KIF1A: variants seen among roughly 807,000 people sequenced by gnomAD.
KIF1A encodes the protein kinesin-like protein KIF1A.
Under a neutral mutation model 227.3 loss-of-function variants are expected in KIF1A, and 46 were observed. That is an observed-to-expected ratio of 0.20 (90% CI 0.16 to 0.26). The LOEUF (loss-of-function observed/expected upper bound fraction) is 0.26, where lower values mean the gene tolerates loss of function less well. KIF1A is among the 10% of genes least tolerant of loss of function. KIF1A has a pLI of 1.00. For missense variants in KIF1A, 1,683 were observed against 2,485.9 expected, an observed-to-expected ratio of 0.68 and a Z score of 6.87; for synonymous variants, 1,022 against 1,012.8, an observed-to-expected ratio of 1.01 and a Z score of -0.17.
At chr2:240,798,861 T>C (rs1236042472) in intron 1 of KIF1A, among the ~76,000 whole-genome samples, 3 of 152,226 alleles carry the variant, frequency 2.0e-5, no homozygotes, top group African/African-American at 7.2e-5. Flanking sequence ...CGAGAGGTTT[T>C]CGCCAATTGC....
chr2:240,748,339 G>T (rs887254142), intron 28 of KIF1A, among the ~76,000 whole-genome samples: 1 of 152,172 alleles, frequency 6.6e-6, no homozygotes, highest in Non-Finnish European at 1.5e-5. Context: ...CGGATCCTGG[G>T]AAATGGGAAA....
At chr2:240,731,483 G>A (rs944389877) in intron 38 of KIF1A, among the ~76,000 whole-genome samples, 1 of 152,202 alleles carries the variant, frequency 6.6e-6, no homozygotes, top group Non-Finnish European at 1.5e-5. Flanking sequence ...CTGAAGTTGT[G>A]CCAGCTGGGA....
chr2:240,800,553 CCAGA>C (rs928330500), intron 1 of KIF1A, among the ~76,000 whole-genome samples: 2 of 152,166 alleles, frequency 1.3e-5, no homozygotes, highest in African/African-American at 4.8e-5. Flanking sequence ...TGGAGTCTTC[CCAGA>C]CAGAGAGCCG....
At chr2:240,744,173 C>G (rs1304849746) in intron 32 of KIF1A, 113 bp from the exon 33 acceptor site, 1 of 755,466 alleles carries the variant, frequency 1.3e-6, no homozygotes, top group Admixed American at 2.0e-5. Flanking sequence ...GGACCCCTAG[C>G]TGGGCCCACG....
At position 240,736,300 on chromosome 2, in the gene KIF1A, C is replaced by A. The variant is rs535238352; in HGVS notation, c.4007+763G>T. ...TTGTGCATCATGAGCCAGGTCGAGC[C>A]CCCAGGGAGCAGCCAGGACTGGACA... On this transcript the variant is annotated intron_variant, in intron 38 of 48. Transcript: ENST00000498729. This position sits in a 1 kb window ranked among gnomAD's most constrained non-coding sequence, Gnocchi z 4.7. Among the ~76,000 whole-genome samples, 4 of 152,126 alleles carry A rather than the reference C, an allele frequency of 2.6e-5. No homozygotes were observed. Among genetic ancestry groups the A allele is most frequent in the Non-Finnish European group, 5.9e-5 (4 of 68,004 alleles).
In KIF1A at chr2:240,758,242, G is replaced by T; in HGVS notation, c.2582+118C>A. ...AGGGAGGACAGGGCTGGGAATATGGGGCTGGAAAAGCACTTGTCAGGGCCG... is the reference window on the plus strand; with the variant it reads ...AGGGAGGACAGGGCTGGGAATATGGTGCTGGAAAAGCACTTGTCAGGGCCG... On this transcript the variant is annotated intron_variant, in intron 26 of 48. Transcript: ENST00000498729. The surrounding 1 kb of genome is among the most constrained non-coding windows in gnomAD (Gnocchi z 5.2). 2 of 1,167,378 alleles carry T rather than the reference G, an allele frequency of 1.7e-6. No individual in the cohort carries two copies. The highest frequency in any genetic ancestry group is 2.3e-6 in the Non-Finnish European group (2 of 851,402). The allele number at this position is 1,167,378 out of a possible 1,614,324, so 72.3% of individuals were successfully genotyped here. A position where few individuals can be genotyped will look rare whatever the true frequency, so the allele number is the denominator to read the frequency against.
rs1454271542 is a variant in KIF1A at position 240,766,749 on chromosome 2, T to TCTCTCTCACA, written c.1684+165_1684+166insTGTGAGAGAG. 3.9e-3 allele frequency among the ~76,000 whole-genome samples: 427 copies of TCTCTCTCACA among 109,006 alleles called. 5 individuals are homozygous for TCTCTCTCACA. The highest frequency in any genetic ancestry group is 0.015 in the African/African-American group (355 of 24,158). The allele number at this position is 109,006 out of a possible 152,430, so 71.5% of individuals were successfully genotyped here. On this transcript the variant is annotated intron_variant, in intron 19 of 48. Coordinates refer to ENST00000498729, the MANE Select transcript of KIF1A (RefSeq NM_001244008.2). The surrounding 1 kb of genome is among the most constrained non-coding windows in gnomAD (Gnocchi z 5.0). ...CTCTCTCTCTCTCTCTCTCTCTCTC[T>TCTCTCTCACA]CACACACACACACACACACACACAC...
At chr2:240,753,963 C>G (rs1336012166) in intron 27 of KIF1A, among the ~76,000 whole-genome samples, 2 of 152,204 alleles carry the variant, frequency 1.3e-5, no homozygotes, top group African/African-American at 4.8e-5. Flanking sequence ...TGGGCACCTC[C>G]TCACCCACTC....
chr2:240,813,147 A>T (rs1338833467), intron 1 of KIF1A, among the ~76,000 whole-genome samples: 1 of 152,200 alleles, frequency 6.6e-6, no homozygotes, highest in Non-Finnish European at 1.5e-5. Context: ...CTTCTTGAAG[A>T]GTTTGAGAAA....
rs73119973 is a variant in KIF1A at position 240,723,629 on chromosome 2, C to T, written c.4319-71G>A. 9.2e-3 allele frequency: 13,344 copies of T among 1,454,294 alleles called. 968 individuals are homozygous for T. The African/African-American group carries it at 0.16, about 17-fold the overall frequency. 90.1% of individuals were successfully genotyped at this position (1,454,294 alleles called of 1,614,324 possible). A position where few individuals can be genotyped will look rare whatever the true frequency, so the allele number is the denominator to read the frequency against. On this transcript the variant is annotated intron_variant, in intron 41 of 48. Coordinates refer to ENST00000498729, the MANE Select transcript of KIF1A (RefSeq NM_001244008.2). ...GCTCCTCCCACCCATCCTAGAGGTCCGCCCATCTGTGAAGCTGTCTCCCCT... is the reference window on the plus strand; with the variant it reads ...GCTCCTCCCACCCATCCTAGAGGTCTGCCCATCTGTGAAGCTGTCTCCCCT...
rs1474824045 is a variant in KIF1A at position 240,790,652 on chromosome 2, T to C, written c.107-1340A>G. Among the ~76,000 whole-genome samples the C allele has an allele frequency of 6.6e-6, 1 of 151,914 alleles. No homozygotes were observed. The highest frequency in any genetic ancestry group is 2.4e-5 in the African/African-American group (1 of 41,350). On this transcript the variant is annotated intron_variant, in intron 2 of 48. Coordinates refer to ENST00000498729, the MANE Select transcript of KIF1A (RefSeq NM_001244008.2). This position sits in a 1 kb window ranked among gnomAD's most constrained non-coding sequence, Gnocchi z 5.0. ...GCAGATGTAATTAGTTAAGATGAGGTCCTACTCCATGAAGACGGGCCCTAA... is the reference window on the plus strand; with the variant it reads ...GCAGATGTAATTAGTTAAGATGAGGCCCTACTCCATGAAGACGGGCCCTAA...
intron 1 of KIF1A, among the ~76,000 whole-genome samples, chr2:240,804,464 T>G (rs1238046882): frequency 6.6e-6 from 1 of 152,050 alleles, no homozygotes; most frequent in Non-Finnish European, 1.5e-5. Flanking sequence ...GAGATGGAAT[T>G]AAGGTGGCAA....
chr2:240,772,522 G>A, intron 14 of KIF1A, 48 bp downstream of exon 14: 2 of 1,516,464 alleles, frequency 1.3e-6, no homozygotes, highest in Non-Finnish European at 1.8e-6. Context: ...CCTCATGCTG[G>A]CTGGGGCTGG....
upstream of KIF1A, among the ~76,000 whole-genome samples, chr2:240,820,496 C>T (rs900088969): frequency 6.6e-6 from 1 of 151,706 alleles, no homozygotes; most frequent in African/African-American, 2.4e-5. This position sits in a 1 kb window ranked among gnomAD's most constrained non-coding sequence, Gnocchi z 6.2. Context: ...CCCCGGCGTG[C>T]CCCTGAGACC....
chr2:240,820,310 A>C (rs1017208091), upstream of KIF1A: 9 of 149,604 alleles, frequency 6.0e-5, no homozygotes, highest in Non-Finnish European at 7.4e-5. The surrounding 1 kb of genome is among the most constrained non-coding windows in gnomAD (Gnocchi z 6.2). Flanking sequence ...GCGGCGTCCG[A>C]GCTCCAGTCG....
At chr2:240,815,898 T>C (rs2058280192) in intron 1 of KIF1A, among the ~76,000 whole-genome samples, 1 of 152,004 alleles carries the variant, frequency 6.6e-6, no homozygotes. Flanking sequence ...ATTGTTCAGG[T>C]GTGGAGTGGC....
chr2:240,745,683 C>T, intron 31 of KIF1A, 55 bp downstream of exon 31: 1 of 1,579,714 alleles, frequency 6.3e-7, no homozygotes. Context: ...GGCACGGGAG[C>T]CTTGGGCACA....
intron 38 of KIF1A, among the ~76,000 whole-genome samples, chr2:240,735,785 G>T (rs969894459): frequency 6.6e-6 from 1 of 152,102 alleles, no homozygotes; most frequent in East Asian, 1.9e-4. Context: ...GCCCCGGCCC[G>T]TCCCACCTGG....
chr2:240,818,259 C>A (rs1199223670), intron 1 of KIF1A, among the ~76,000 whole-genome samples: 3 of 152,178 alleles, frequency 2.0e-5, no homozygotes, highest in African/African-American at 7.2e-5. Flanking sequence ...TGAAGCTGTT[C>A]ATCCGGGCCC....
Sources: allele counts gnomAD v4.1 joint callset (sites outside exome capture counted in the v4.1 genomes callset), GRCh38; gene constraint gnomAD v4.1.1; non-coding constraint Gnocchi (gnomAD v3.1); transcripts MANE v1.5; gene names NCBI Gene and HGNC (gene_info 2026-07-23, HGNC 2026-07-21).